The following CYB561A3 variants were observed in gnomAD, a reference collection of about 807,000 sequenced individuals.
CYB561A3 encodes lysosomal membrane ascorbate-dependent ferrireductase CYB561A3.
In CYB561A3, 16 loss-of-function variants were observed where a neutral mutation model predicts 25.3. The ratio of observed to expected loss-of-function variants is 0.63; its 90% CI spans 0.43 to 0.96. The LOEUF (loss-of-function observed/expected upper bound fraction) is 0.96. CYB561A3 is among the 40% of genes least tolerant of loss of function. CYB561A3 has a pLI of 0.00. For synonymous variants in CYB561A3, 131 were observed against 129.9 expected (o/e 1.01, Z -0.06); for missense variants, 219 against 307.5 (o/e 0.71, Z 2.15).
intron 6 of CYB561A3, 189 bp downstream of exon 6, chr11:61,350,802 G>T: frequency 1.3e-6 from 1 of 770,790 alleles, no homozygotes. Flanking sequence ...GGGAGTCCCA[G>T]CATTTCACTG....
chr11:61,354,186 G>A (rs1857548739), intron 3 of CYB561A3, 194 bp from the exon 4 acceptor site: 3 of 640,058 alleles, frequency 4.7e-6, no homozygotes, highest in Admixed American at 5.8e-5. Flanking sequence ...AGGAGAGAAG[G>A]GCCAGTTAAA....
intron 5 of CYB561A3, 33 bp downstream of exon 5, chr11:61,352,952 T>C (rs1473764701): frequency 5.0e-6 from 8 of 1,614,026 alleles, no homozygotes; most frequent in Non-Finnish European, 6.8e-6. Flanking sequence ...TCCCTCCTCT[T>C]CACCTTAGAG....
chr11:61,351,252 T>G, intron 5 of CYB561A3, 105 bp from the exon 6 acceptor site: 2 of 1,160,236 alleles, frequency 1.7e-6, no homozygotes, highest in South Asian at 1.8e-5. Flanking sequence ...CCTTCCCGGG[T>G]CCATATGTGA....
chr11:61,361,754 G>A lies in CYB561A3; in HGVS notation c.-133C>T, dbSNP rs1327844336. The stretch of plus-strand genomic sequence containing the variant: ...TCACCCCTAACCACAGTGGGACGAA[G>A]TGAGGCCGGGATCTCCGGAACCCGC... On this transcript the variant is annotated 5_prime_UTR_variant, in exon 1 of 7. Transcript: ENST00000294072. 1.3e-5 allele frequency: 2 copies of A among 152,318 alleles called. No individual in the cohort carries two copies. The highest frequency in any genetic ancestry group is 2.9e-5 in the Non-Finnish European group (2 of 68,072). 9.4% of individuals were successfully genotyped at this position (152,318 alleles called of 1,614,324 possible).
intron 3 of CYB561A3, chr11:61,354,769 T>G (rs1008567385): frequency 3.3e-5 from 5 of 152,170 alleles, no homozygotes; most frequent in African/African-American, 1.2e-4. Flanking sequence ...CAAACTGAAT[T>G]GTCACAAGTG....
chr11:61,358,619 C>T (rs1857730828), intron 1 of CYB561A3: 1 of 152,078 alleles, frequency 6.6e-6, no homozygotes, highest in Non-Finnish European at 1.5e-5. Flanking sequence ...CAGCTAGCTA[C>T]TCGGTAGGCT....
Position 61,349,215 on chromosome 11 carries a change from C to A in CYB561A3, c.*1184G>T. On this transcript the variant is annotated 3_prime_UTR_variant, in exon 7 of 7. Transcript: ENST00000294072. ...TTCCTCCCCTGAAGAAGAGCAACAG[C>A]TCAAGCTCTAGCATGGCACAGAACG... 3.5e-6 allele frequency: 1 copy of A among 285,218 alleles called. No homozygotes were observed. Among genetic ancestry groups the A allele is most frequent in the Non-Finnish European group, 7.0e-6 (1 of 142,178 alleles). 17.7% of individuals were successfully genotyped at this position (285,218 alleles called of 1,614,324 possible). A position where few individuals can be genotyped will look rare whatever the true frequency, so the allele number is the denominator to read the frequency against.
Position 61,349,764 on chromosome 11 carries a change from C to T in CYB561A3, c.*635G>A. ...CTGCGTGGGCCGCCACTCCCCCTTT[C>T]TGCAATCACCCCATGATGTCTCCAC... On this transcript the variant is annotated 3_prime_UTR_variant, in exon 7 of 7. Coordinates refer to ENST00000294072, the MANE Select transcript of CYB561A3 (RefSeq NM_153611.6). 1.5e-6 allele frequency: 1 copy of T among 654,246 alleles called. No individual in the cohort carries two copies. The highest frequency in any genetic ancestry group is 1.7e-5 in the South Asian group (1 of 60,336). The allele number at this position is 654,246 out of a possible 1,614,324, so 40.5% of individuals were successfully genotyped here. A position where few individuals can be genotyped will look rare whatever the true frequency, so the allele number is the denominator to read the frequency against.
chr11:61,357,007 A>C, intron 2 of CYB561A3: 1 of 1,466,182 alleles, frequency 6.8e-7, no homozygotes, highest in Non-Finnish European at 9.0e-7. Flanking sequence ...GCCAGATGCC[A>C]AGGCCCAAGA....
At chr11:61,356,961 G>A (rs1322555929) in intron 2 of CYB561A3, 6 of 1,455,866 alleles carry the variant, frequency 4.1e-6, no homozygotes, top group Non-Finnish European at 5.4e-6. Context: ...CCCAGACAGA[G>A]CAGCAAACTC....
At chr11:61,350,581 C>T (rs1381552226) in intron 6 of CYB561A3, 159 bp from the exon 7 acceptor site, 16 of 842,772 alleles carry the variant, frequency 1.9e-5, no homozygotes, top group Middle Eastern at 2.3e-4. Flanking sequence ...GTACACACCC[C>T]GTCTCCCTAC....
intron 1 of CYB561A3, chr11:61,360,901 C>G (rs1857837450): frequency 6.6e-6 from 1 of 152,192 alleles, no homozygotes; most frequent in Non-Finnish European, 1.5e-5. Flanking sequence ...TCGCTTGAAC[C>G]CGGGAGGCGG....
rs1857303008 is a variant in CYB561A3 at position 61,349,633 on chromosome 11, T to C, written c.*766A>G. ...GAAAGGCCGGGATCCAGGCCTCAGCTGTAGCAGCAGCTGGAAGAGGTGGAG... is the reference window on the plus strand; with the variant it reads ...GAAAGGCCGGGATCCAGGCCTCAGCCGTAGCAGCAGCTGGAAGAGGTGGAG... On this transcript the variant is annotated 3_prime_UTR_variant, in exon 7 of 7. Transcript: ENST00000294072. The C allele has an allele frequency of 1.4e-6, 1 of 702,830 alleles. No individual in the cohort carries two copies. Among genetic ancestry groups the C allele is most frequent in the African/African-American group, 1.7e-5 (1 of 57,258 alleles). 43.5% of individuals were successfully genotyped at this position (702,830 alleles called of 1,614,324 possible).
intron 3 of CYB561A3, chr11:61,354,301 G>A: frequency 2.5e-6 from 1 of 404,966 alleles, no homozygotes; most frequent in Non-Finnish European, 4.6e-6. Context: ...AGGTTACAGT[G>A]AGCTATGATC....
chr11:61,352,454 G>A (rs967856402), intron 5 of CYB561A3: 1 of 161,366 alleles, frequency 6.2e-6, no homozygotes, highest in Non-Finnish European at 1.4e-5. Flanking sequence ...GAGGTCAGGA[G>A]TCCGAGACCA....
chr11:61,354,182 G>A, intron 3 of CYB561A3, 190 bp from the exon 4 acceptor site: 1 of 644,968 alleles, frequency 1.6e-6, no homozygotes, highest in Non-Finnish European at 2.6e-6. Context: ...AGGGAGGAGA[G>A]AAGGGCCAGT....
rs374566561 is a variant in CYB561A3 at position 61,353,858 on chromosome 11, G to A, written c.319C>T (p.His107Tyr). 7.2e-5 allele frequency: 116 copies of A among 1,614,088 alleles called. No individual in the cohort carries two copies. Among genetic ancestry groups the A allele is most frequent in the Non-Finnish European group, 9.5e-5 (112 of 1,180,058 alleles). ...GLVAVFTFHN[H>Y]GRTANLYSLH... ...GAGTAGAGGTTGGCAGTCCTTCCAT[G>A]GTTGTGAAACGTAAAGACAGCAACC... The change falls in exon 4 of 7, where the codon CAT (histidine) becomes TAT (tyrosine). Residue 107 changes from histidine to tyrosine, a missense_variant. His to Tyr is a moderately conservative substitution (Grantham distance 83). Coordinates refer to ENST00000294072, the MANE Select transcript of CYB561A3 (RefSeq NM_153611.6).
chr11:61,350,838 TC>T (rs1857370186), intron 6 of CYB561A3, 152 bp downstream of exon 6: 1 of 1,106,348 alleles, frequency 9.0e-7, no homozygotes, highest in Non-Finnish European at 1.2e-6. Flanking sequence ...GGACCAGTGC[TC>T]CCCATCAGCC....
Position 61,356,705 on chromosome 11 carries a change from A to C in CYB561A3, c.9T>G (p.Ser3=). The C allele has an allele frequency of 1.2e-6, 2 of 1,614,148 alleles. No individual in the cohort carries two copies. Among genetic ancestry groups the C allele is most frequent in the Non-Finnish European group, 1.7e-6 (2 of 1,179,988 alleles). ...GCAGGCAGGACAAGTAGAACCGTCC[A>C]GACACCATTCTGATCACGCACTCCT... MV[S]GRFYLSCLLL... is the part of the protein sequence containing the mutation. The change falls in exon 3 of 7, where the codon TCT becomes TCG. Residue 3 remains serine, a synonymous_variant. Coordinates refer to ENST00000294072, the MANE Select transcript of CYB561A3 (RefSeq NM_153611.6).
Sources: gnomAD v4.1 joint callset for allele counts on GRCh38, gnomAD v4.1.1 for gene constraint, MANE v1.5 for transcripts, NCBI Gene and HGNC (gene_info 2026-07-23, HGNC 2026-07-21) for gene names.